MYO1B: variants seen among roughly 807,000 people sequenced by gnomAD.
MYO1B encodes myosin IB.
In MYO1B, 72 loss-of-function variants were observed where a neutral mutation model predicts 159.7. The ratio of observed to expected loss-of-function variants is 0.45; its 90% confidence interval spans 0.37 to 0.55. The LOEUF is 0.55. MYO1B is among the 20% of genes least tolerant of loss of function. MYO1B has a pLI of 0.00. For synonymous variants in MYO1B, 468 were observed against 473.8 expected, an observed-to-expected ratio of 0.99 and a Z score of 0.16; for missense variants, 1,062 against 1,364.8, an observed-to-expected ratio of 0.78 and a Z score of 3.50.
chr2:191,254,983 A>G (rs767587066), intron 1 of MYO1B, among the ~76,000 whole-genome samples: 6 of 152,108 alleles, frequency 3.9e-5, no homozygotes, highest in Non-Finnish European at 7.4e-5. Context: ...GCCGGAGTAC[A>G]GTGGTGTGAA....
At chr2:191,328,786 C>A (rs1009580628) in intron 3 of MYO1B, among the ~76,000 whole-genome samples, 16 of 152,126 alleles carry the variant, frequency 1.1e-4, no homozygotes, top group Non-Finnish European at 1.2e-4. Flanking sequence ...GATGTTTTGG[C>A]CTTTATTTTT....
At chr2:191,302,350 A>G (rs942328796) in intron 3 of MYO1B, among the ~76,000 whole-genome samples, 11 of 152,232 alleles carry the variant, frequency 7.2e-5, no homozygotes, top group African/African-American at 2.7e-4. Flanking sequence ...GAGCTCAACA[A>G]CTATAAAACA....
chr2:191,406,961 C>T (rs1184211503), intron 24 of MYO1B, among the ~76,000 whole-genome samples: 1 of 152,098 alleles, frequency 6.6e-6, no homozygotes, highest in Non-Finnish European at 1.5e-5. Flanking sequence ...CCAGGTTGGT[C>T]GTACAGATGA....
intron 28 of MYO1B, 27 bp from the exon 29 acceptor site, chr2:191,414,484 ATTGGTT>A: frequency 6.4e-7 from 1 of 1,561,640 alleles, no homozygotes. Flanking sequence ...ATTTGTGATC[ATTGGTT>A]TTATACTATT....
intron 21 of MYO1B, among the ~76,000 whole-genome samples, chr2:191,397,925 C>G (rs1258661614): frequency 4.0e-5 from 1 of 25,138 alleles, no homozygotes; most frequent in Non-Finnish European, 7.8e-5. Flanking sequence ...ACCTCCCGGA[C>G]AGGGCGGCTG....
At chr2:191,385,029 G>A (rs369136213) in intron 15 of MYO1B, among the ~76,000 whole-genome samples, 13 of 152,338 alleles carry the variant, frequency 8.5e-5, no homozygotes, top group African/African-American at 2.6e-4. Context: ...GAGAGGAACA[G>A]AGGACTTTGC....
At chr2:191,402,414 T>G in intron 23 of MYO1B, 1 of 551,486 alleles carries the variant, frequency 1.8e-6, no homozygotes, top group Non-Finnish European at 3.2e-6. Context: ...CCACACAGAT[T>G]GTCCTTCTCT....
chr2:191,362,184 T>C (rs1693711821), intron 8 of MYO1B, 84 bp from the exon 9 acceptor site: 2 of 1,027,164 alleles, frequency 1.9e-6, no homozygotes, highest in African/African-American at 1.6e-5. Flanking sequence ...ATGTTACCGA[T>C]GTGAACAAGA....
chr2:191,387,672 G>C, intron 17 of MYO1B: 1 of 582,460 alleles, frequency 1.7e-6, no homozygotes, highest in Non-Finnish European at 3.0e-6. Flanking sequence ...GAAGATAGTA[G>C]ATATTTAATG....
At chr2:191,375,470 A>AAGAAAGATAGATAGAT (rs1553556394) in intron 13 of MYO1B, among the ~76,000 whole-genome samples, 1 of 146,256 alleles carries the variant, frequency 6.8e-6, no homozygotes, top group Non-Finnish European at 1.5e-5. Flanking sequence ...TGATTTGTAA[A>AAGAAAGATAGATAGAT]AGATAGATAG....
chr2:191,366,248 G>C (rs573361284), intron 11 of MYO1B, among the ~76,000 whole-genome samples: 1 of 152,278 alleles, frequency 6.6e-6, no homozygotes, highest in African/African-American at 2.4e-5. Flanking sequence ...ATGGGAACCA[G>C]GCCCAGGTGC....
At chr2:191,408,352 ATCT>A (rs1463586623) in intron 25 of MYO1B, among the ~76,000 whole-genome samples, 163 bp downstream of exon 25, 8 of 152,254 alleles carry the variant, frequency 5.3e-5, no homozygotes, top group Admixed American at 6.5e-5. Context: ...TTTTAAAATC[ATCT>A]TCTTCCAAAT....
At chr2:191,357,338 A>G (rs1693362209) in intron 7 of MYO1B, among the ~76,000 whole-genome samples, 1 of 152,120 alleles carries the variant, frequency 6.6e-6, no homozygotes, top group Non-Finnish European at 1.5e-5. Flanking sequence ...GCCCCTACAT[A>G]ACGGCCAGGC....
At chr2:191,267,935 A>G (rs1159397971) in intron 1 of MYO1B, among the ~76,000 whole-genome samples, 1 of 152,194 alleles carries the variant, frequency 6.6e-6, no homozygotes, top group Non-Finnish European at 1.5e-5. Context: ...CCTGGACAGA[A>G]GAATGGGCTG....
At chr2:191,400,283 T>C in intron 21 of MYO1B, 99 bp from the exon 22 acceptor site, 1 of 1,241,858 alleles carries the variant, frequency 8.1e-7, no homozygotes, top group East Asian at 2.3e-5. Flanking sequence ...CACAATAGCA[T>C]GGGTGTTAGG....
chr2:191,375,771 C>T (rs1425266200), intron 13 of MYO1B, among the ~76,000 whole-genome samples: 1 of 151,906 alleles, frequency 6.6e-6, no homozygotes, highest in Non-Finnish European at 1.5e-5. Flanking sequence ...CCAGCCTGAC[C>T]AACATGGTGA....
At chr2:191,266,629 C>A (rs922525065) in intron 1 of MYO1B, among the ~76,000 whole-genome samples, 5 of 152,214 alleles carry the variant, frequency 3.3e-5, no homozygotes, top group Admixed American at 3.3e-4. Flanking sequence ...GCTTCATCCT[C>A]GCCCTGGCTC....
At chr2:191,386,672 A>C (rs1445508551) in intron 16 of MYO1B, among the ~76,000 whole-genome samples, 1 of 152,150 alleles carries the variant, frequency 6.6e-6, no homozygotes, top group Non-Finnish European at 1.5e-5. Context: ...GCAAACTTCA[A>C]AGGGAAAAAA....
chr2:191,385,816 A>T, intron 15 of MYO1B, 68 bp from the exon 16 acceptor site: 1 of 1,454,248 alleles, frequency 6.9e-7, no homozygotes. Context: ...TTGATGGTGT[A>T]ATTAGGAATA....
Sources: gnomAD v4.1 joint callset for allele counts (sites outside exome capture counted in the v4.1 genomes callset) on GRCh38, gnomAD v4.1.1 for gene constraint, MANE v1.5 for transcripts, NCBI Gene and HGNC (gene_info 2026-07-23, HGNC 2026-07-21) for gene names.